The following PCCA variants were observed in gnomAD, a reference collection of about 807,000 sequenced individuals.
PCCA encodes the protein propionyl-CoA carboxylase alpha chain, mitochondrial.
Under a neutral mutation model 101.3 loss-of-function variants are expected in PCCA, and 74 were observed. The ratio of observed to expected loss-of-function variants is 0.73; its 90% CI spans 0.61 to 0.89. PCCA has a LOEUF of 0.89. Ranked by LOEUF, PCCA falls within the 40% of genes least tolerant of loss-of-function variation. PCCA has a pLI of 0.00. For missense variants in PCCA, 891 were observed against 907.0 expected, an observed-to-expected ratio of 0.98 and a Z score of 0.23; for synonymous variants, 294 against 313.6, an observed-to-expected ratio of 0.94 and a Z score of 0.66.
intron 14 of PCCA, chr13:100,305,711 T>C (rs930052998): frequency 3.0e-6 from 1 of 329,710 alleles, no homozygotes; most frequent in Admixed American, 4.4e-5. Flanking sequence ...TAGATTGTGA[T>C]TTTATTGCTT....
chr13:100,167,999 T>G (rs191672473), intron 6 of PCCA, among the ~76,000 whole-genome samples: 1 of 152,336 alleles, frequency 6.6e-6, no homozygotes, highest in Admixed American at 6.5e-5. Flanking sequence ...TTACTAATCC[T>G]GCTGAGGCCG....
intron 22 of PCCA, among the ~76,000 whole-genome samples, chr13:100,518,199 T>C (rs987458832): frequency 6.6e-6 from 1 of 152,220 alleles, no homozygotes; most frequent in Admixed American, 6.5e-5. Context: ...CAGTAATCTA[T>C]CATGTTTCTG....
At chr13:100,237,765 T>C (rs568201655) in intron 8 of PCCA, among the ~76,000 whole-genome samples, 1 of 152,168 alleles carries the variant, frequency 6.6e-6, no homozygotes, top group East Asian at 1.9e-4. Context: ...AGGACAATAT[T>C]TAGAGAAATT....
intron 20 of PCCA, among the ~76,000 whole-genome samples, chr13:100,430,689 A>T (rs1396398284): frequency 5.3e-5 from 8 of 152,044 alleles, no homozygotes. Context: ...TGAACACCCT[A>T]CTTCCTGTTT....
rs191788795 is a variant in PCCA at position 100,218,188 on chromosome 13, G to T, written c.600+8725G>T. ...CAAGTATTTGCTTATATATTTGTTT[G>T]TTTTGAGATGGTATTTCACTCTTGT... On this transcript the variant is annotated intron_variant, in intron 7 of 23. Transcript: ENST00000376285. 4.0e-3 allele frequency among the ~76,000 whole-genome samples: 607 copies of T among 151,956 alleles called. 5 individuals are homozygous for T. Among genetic ancestry groups the T allele is most frequent in the African/African-American group, 0.014 (580 of 41,466 alleles).
intron 16 of PCCA, among the ~76,000 whole-genome samples, chr13:100,321,212 T>A (rs1169789423): frequency 6.6e-6 from 1 of 152,204 alleles, no homozygotes; most frequent in African/African-American, 2.4e-5. Flanking sequence ...ACCTCTTTTC[T>A]TTTTCAAAAG....
intron 21 of PCCA, among the ~76,000 whole-genome samples, chr13:100,492,922 A>G (rs1243990827): frequency 6.6e-6 from 1 of 151,822 alleles, no homozygotes; most frequent in Non-Finnish European, 1.5e-5. Context: ...AGCCATCTCC[A>G]TCACTCAGTA....
At position 100,364,152 on chromosome 13, in the gene PCCA, G is replaced by A. The variant is rs200932111; in HGVS notation, c.1644-4320G>A. Among the ~76,000 whole-genome samples, 13 of 152,176 alleles carry A rather than the reference G, an allele frequency of 8.5e-5. No homozygotes were observed. The East Asian group carries it at 2.5e-3, about 29-fold the overall frequency. On this transcript the variant is annotated intron_variant, in intron 18 of 23. Transcript: ENST00000376285. Reference sequence around the variant, plus strand: ...TATCAGCTTTGCAGGTGACTAATAAGTTGCACAGATTAAATTTTTGGTCAG... The same window carrying A: ...TATCAGCTTTGCAGGTGACTAATAAATTGCACAGATTAAATTTTTGGTCAG...
At chr13:100,372,847 C>T (rs1447948818) in intron 19 of PCCA, among the ~76,000 whole-genome samples, 1 of 152,192 alleles carries the variant, frequency 6.6e-6, no homozygotes, top group African/African-American at 2.4e-5. Flanking sequence ...TCAAGTGATT[C>T]TTCTGCCTCA....
chr13:100,330,058 C>G (rs551248203), intron 16 of PCCA, among the ~76,000 whole-genome samples: 1 of 152,316 alleles, frequency 6.6e-6, no homozygotes, highest in East Asian at 1.9e-4. Context: ...CACCTGACCT[C>G]TCGCCAACCA....
chr13:100,135,036 C>A (rs1171891341), intron 4 of PCCA, among the ~76,000 whole-genome samples: 1 of 151,962 alleles, frequency 6.6e-6, no homozygotes, highest in Non-Finnish European at 1.5e-5. Flanking sequence ...TGCCACCATG[C>A]CCAGCTTGTA....
At position 100,303,002 on chromosome 13, in the gene PCCA, A is replaced by T; in HGVS notation, c.1284+4A>T. 1 of 1,544,276 alleles carries T rather than the reference A, an allele frequency of 6.5e-7. No individual in the cohort carries two copies. Among genetic ancestry groups the T allele is most frequent in the Non-Finnish European group, 9.0e-7 (1 of 1,116,438 alleles). On this transcript the variant is annotated splice_donor_region_variant and intron_variant, in intron 14 of 23. Coordinates refer to ENST00000376285, the MANE Select transcript of PCCA (RefSeq NM_000282.4). ...AGAACCGTTACATCTACCTGGTGTA[A>T]GTCATTAAGCTGTAATACCAGCTGA...
chr13:100,269,870 A>G (rs1322966953), intron 11 of PCCA, among the ~76,000 whole-genome samples: 1 of 152,156 alleles, frequency 6.6e-6, no homozygotes, highest in African/African-American at 2.4e-5. Flanking sequence ...TAAAACATGG[A>G]CCCCAAATCC....
intron 21 of PCCA, among the ~76,000 whole-genome samples, chr13:100,452,460 C>T (rs946113835): frequency 1.3e-5 from 2 of 152,154 alleles, no homozygotes; most frequent in African/African-American, 4.8e-5. Context: ...TGGGCACATG[C>T]CTTAGGGTCT....
intron 7 of PCCA, among the ~76,000 whole-genome samples, chr13:100,228,175 C>A (rs2060259815): frequency 6.6e-6 from 1 of 152,028 alleles, no homozygotes; most frequent in Admixed American, 6.6e-5. Flanking sequence ...GCCACCACGC[C>A]CAGCTGATTT....
At chr13:100,237,105 A>C (rs2060847816) in intron 8 of PCCA, 2 of 152,202 alleles carry the variant, frequency 1.3e-5, no homozygotes, top group Non-Finnish European at 2.9e-5. Context: ...TGATTTGGCA[A>C]AGCTCATATA....
At chr13:100,159,793 T>C (rs1278780865) in intron 6 of PCCA, among the ~76,000 whole-genome samples, 1 of 152,142 alleles carries the variant, frequency 6.6e-6, no homozygotes, top group East Asian at 1.9e-4. Context: ...CCTCAGTGCT[T>C]TCCTCACTCT....
chr13:100,254,465 C>G (rs184926774), intron 8 of PCCA, among the ~76,000 whole-genome samples: 112 of 152,272 alleles, frequency 7.4e-4, no homozygotes, highest in Non-Finnish European at 1.2e-3. Flanking sequence ...TGAGGGGTAA[C>G]AAGTACCATC....
chr13:100,298,732 T>TTCCTTCCTTCCG lies in PCCA; in HGVS notation c.1066-2710_1066-2699dup, dbSNP rs751058547. The stretch of plus-strand genomic sequence containing the variant: ...CTTCCTTCCTTCCTTCCTTCCTTCC[T>TTCCTTCCTTCCG]TCCTTCCTTCCGTCCTTCCTTCCGT... On this transcript the variant is annotated intron_variant, in intron 12 of 23. Coordinates refer to ENST00000376285, the MANE Select transcript of PCCA (RefSeq NM_000282.4). 6.6e-4 allele frequency among the ~76,000 whole-genome samples: 69 copies of TTCCTTCCTTCCG among 104,352 alleles called. 1 individual carries two copies. Among genetic ancestry groups the TTCCTTCCTTCCG allele is most frequent in the African/African-American group, 2.5e-3 (66 of 26,328 alleles). 68.5% of individuals were successfully genotyped at this position (104,352 alleles called of 152,430 possible). A position where few individuals can be genotyped will look rare whatever the true frequency, so the allele number is the denominator to read the frequency against.
Sources: allele counts gnomAD v4.1 joint callset (sites outside exome capture counted in the v4.1 genomes callset), GRCh38; gene constraint gnomAD v4.1.1; transcripts MANE v1.5; gene names NCBI Gene and HGNC (gene_info 2026-07-23, HGNC 2026-07-21).